The following ZNF618 variants were observed in gnomAD, a reference collection of about 807,000 sequenced individuals.
ZNF618 encodes neural precursor cell expressed, developmentally down-regulated 10.
A neutral mutation model predicts 103.0 loss-of-function variants in ZNF618; 34 were observed. The ratio of observed to expected loss-of-function variants is 0.33; its 90% CI spans 0.25 to 0.44. ZNF618 has a LOEUF of 0.44. Among genes scored for constraint, ZNF618 ranks in the 20% least tolerant of loss-of-function variants. The pLI is 1.00. For synonymous variants in ZNF618, 551 were observed against 542.2 expected (o/e 1.02, Z -0.23); for missense variants, 1,059 against 1,295.4 (o/e 0.82, Z 2.80).
At chr9:113,961,508 A>G (rs1363687765) in intron 1 of ZNF618, among the ~76,000 whole-genome samples, 1 of 152,142 alleles carries the variant, frequency 6.6e-6, no homozygotes, top group African/African-American at 2.4e-5. Flanking sequence ...AATGGCACAA[A>G]CTCATGTGAG....
chr9:113,981,292 A>C (rs1318058509), intron 2 of ZNF618, among the ~76,000 whole-genome samples: 1 of 152,162 alleles, frequency 6.6e-6, no homozygotes, highest in African/African-American at 2.4e-5. Context: ...GAGGAAGAGC[A>C]GGGGTCCTCA....
rs375394513 is a variant in ZNF618, at chr9:113,969,155, G to A, written c.72G>A (p.Ala24=). The A allele has an allele frequency of 1.4e-5, 22 of 1,613,850 alleles. No individual in the cohort carries two copies. The African/African-American group carries it at 1.5e-4, about 11-fold the overall frequency. ...GTGCAGCCGGAAGGAAAAGCACTGC[G>A]AGCAGGTACACTCCCTCTCCCGCCC... ...GASAAGRKST[A]SRERLKRSQK... Residue 24 remains alanine (A), a synonymous_variant, in exon 2 of 15, where the codon GCG becomes GCA. Transcript: ENST00000374126.
intron 10 of ZNF618, among the ~76,000 whole-genome samples, chr9:114,024,430 G>A (rs541662356): frequency 6.6e-6 from 1 of 152,184 alleles, no homozygotes; most frequent in East Asian, 1.9e-4. Context: ...TGCATCCTGG[G>A]AATGCTGTGT....
At chr9:114,000,003 G>A (rs1329099350) in intron 4 of ZNF618, among the ~76,000 whole-genome samples, 1 of 152,232 alleles carries the variant, frequency 6.6e-6, no homozygotes, top group Non-Finnish European at 1.5e-5. Flanking sequence ...AGCCCTCGCT[G>A]TGTGCCAATC....
At chr9:113,910,343 G>A (rs769623512) in intron 1 of ZNF618, among the ~76,000 whole-genome samples, 2 of 152,110 alleles carry the variant, frequency 1.3e-5, no homozygotes, top group Non-Finnish European at 1.5e-5. Context: ...TGTTCACCTG[G>A]TTCCTGCTCT....
At chr9:113,922,057 A>G (rs1832700531) in intron 1 of ZNF618, among the ~76,000 whole-genome samples, 1 of 152,164 alleles carries the variant, frequency 6.6e-6, no homozygotes, top group East Asian at 1.9e-4. Context: ...CGATACTTTG[A>G]TGTATGTACT....
chr9:113,966,515 G>A (rs760030938), intron 1 of ZNF618, among the ~76,000 whole-genome samples: 54 of 152,182 alleles, frequency 3.5e-4, no homozygotes, highest in Non-Finnish European at 4.7e-4. Flanking sequence ...AATCCACTTG[G>A]AAGGAATGGC....
Position 114,054,119 on chromosome 9 carries a change from T to C in ZNF618, c.*3952T>C, listed in dbSNP as rs1846308728. 2 of 152,496 alleles carry C rather than the reference T, an allele frequency of 1.3e-5. No homozygotes were observed. The highest frequency in any genetic ancestry group is 1.3e-4 in the Admixed American group (2 of 15,274). The allele number at this position is 152,496 out of a possible 1,614,324, so 9.4% of individuals were successfully genotyped here. On this transcript the variant is annotated 3_prime_UTR_variant, in exon 15 of 15. Transcript: ENST00000374126. Reference sequence around the variant, plus strand: ...TTTTAAAGAAACACCAGAGAAAAAATCTACAAGGCGTGTTTCCACTGAAGC... The same window carrying C: ...TTTTAAAGAAACACCAGAGAAAAAACCTACAAGGCGTGTTTCCACTGAAGC...
chr9:113,927,889 G>A (rs73658305), intron 1 of ZNF618, among the ~76,000 whole-genome samples: 1,800 of 152,268 alleles, frequency 0.012, 36 homozygotes, highest in African/African-American at 0.041. Flanking sequence ...TCTTTCAAGC[G>A]AGTTCATCAG....
chr9:114,003,718 G>A (rs1171115031), intron 6 of ZNF618, among the ~76,000 whole-genome samples: 2 of 152,194 alleles, frequency 1.3e-5, no homozygotes, highest in Non-Finnish European at 2.9e-5. Flanking sequence ...TCAGGGTTCT[G>A]TTTCTTGAGC....
chr9:113,881,713 C>G (rs117063676), intron 1 of ZNF618, among the ~76,000 whole-genome samples: 49 of 152,332 alleles, frequency 3.2e-4, no homozygotes, highest in Non-Finnish European at 6.2e-4. Context: ...CAACACCTTT[C>G]AGACCTCTTG....
intron 1 of ZNF618, among the ~76,000 whole-genome samples, chr9:113,958,123 G>C (rs543897857): frequency 6.6e-6 from 1 of 152,260 alleles, no homozygotes; most frequent in East Asian, 1.9e-4. Context: ...TATGCACCCA[G>C]AGGAGCGTGT....
chr9:113,951,454 TATATAC>T (rs1835654266), intron 1 of ZNF618, among the ~76,000 whole-genome samples: 1 of 79,726 alleles, frequency 1.3e-5, no homozygotes, highest in Non-Finnish European at 2.6e-5. Context: ...TATATGTGTA[TATATAC>T]ATATATGTGT....
intron 1 of ZNF618, among the ~76,000 whole-genome samples, chr9:113,968,395 C>T (rs1281459753): frequency 6.6e-6 from 1 of 152,142 alleles, no homozygotes; most frequent in African/African-American, 2.4e-5. Context: ...TGACAAAGCT[C>T]GGGAATGTAT....
intron 3 of ZNF618, among the ~76,000 whole-genome samples, chr9:113,989,259 C>T (rs578237463): frequency 6.6e-6 from 1 of 151,886 alleles, no homozygotes; most frequent in African/African-American, 2.4e-5. Context: ...AGAAGGCACG[C>T]CGCGTGTGTG....
chr9:114,016,964 C>G, intron 10 of ZNF618, 180 bp downstream of exon 10: 2 of 592,380 alleles, frequency 3.4e-6, no homozygotes, highest in South Asian at 2.0e-5. Context: ...GCCGGCATAG[C>G]TGAGAAGTCC....
chr9:113,988,049 A>G (rs753325207), intron 2 of ZNF618, among the ~76,000 whole-genome samples: 2 of 152,196 alleles, frequency 1.3e-5, no homozygotes, highest in South Asian at 2.1e-4. Flanking sequence ...GCACATCTAG[A>G]CCTCTTGAGA....
At chr9:113,960,237 C>T (rs1334118391) in intron 1 of ZNF618, among the ~76,000 whole-genome samples, 3 of 152,250 alleles carry the variant, frequency 2.0e-5, no homozygotes, top group South Asian at 4.1e-4. Context: ...GCCATCATCT[C>T]TTCCCTGGAA....
At chr9:113,894,535 A>G (rs10117039) in intron 1 of ZNF618, among the ~76,000 whole-genome samples, 1,525 of 152,332 alleles carry the variant, frequency 0.01, 25 homozygotes, top group African/African-American at 0.034. Flanking sequence ...TTGTAATTGT[A>G]AATGTCTTGA....
Sources: allele counts gnomAD v4.1 joint callset (sites outside exome capture counted in the v4.1 genomes callset), GRCh38; gene constraint gnomAD v4.1.1; transcripts MANE v1.5; gene names NCBI Gene and HGNC (gene_info 2026-07-23, HGNC 2026-07-21).